Variants in CCDC146 observed in about 807,000 individuals in gnomAD.
The protein encoded by CCDC146 is coiled-coil domain containing 146, also known as coiled-coil domain-containing protein 146.
In CCDC146, 92 loss-of-function variants were observed where a neutral mutation model predicts 119.3. That is an observed-to-expected ratio of 0.77 (90% CI 0.65 to 0.92). The LOEUF (loss-of-function observed/expected upper bound fraction) is 0.92. Among genes scored for constraint, CCDC146 ranks in the 40% least tolerant of loss-of-function variants. The pLI, the probability that CCDC146 is intolerant of heterozygous loss-of-function variation, is 0.00. For synonymous variants in CCDC146, 372 were observed against 371.8 expected, an observed-to-expected ratio of 1.00 and a Z score of -0.01; for missense variants, 1,000 against 1,103.0, an observed-to-expected ratio of 0.91 and a Z score of 1.32.
chr7:77,232,938 C>T (rs907608145), intron 2 of CCDC146, among the ~76,000 whole-genome samples: 1 of 152,174 alleles, frequency 6.6e-6, no homozygotes, highest in Non-Finnish European at 1.5e-5. Context: ...GCCCATGGTT[C>T]AAATGCCACA....
chr7:77,280,197 G>C (rs191986384), intron 13 of CCDC146, among the ~76,000 whole-genome samples: 156 of 152,102 alleles, frequency 1.0e-3, no homozygotes, highest in East Asian at 1.7e-3. Flanking sequence ...CAGAACATTG[G>C]GGGGAAAAGG....
In CCDC146 at chr7:77,247,346, C is replaced by T. The variant is rs982013649; in HGVS notation, c.449+5446C>T. Among the ~76,000 whole-genome samples the T allele has an allele frequency of 9.2e-5, 9 of 97,756 alleles. No homozygotes were observed. The East Asian group carries it at 1.7e-3, about 19-fold the overall frequency. The allele number at this position is 97,756 out of a possible 152,430, so 64.1% of individuals were successfully genotyped here. A position where few individuals can be genotyped will look rare whatever the true frequency, so the allele number is the denominator to read the frequency against. On this transcript the variant is annotated intron_variant, in intron 4 of 18. Coordinates refer to ENST00000285871, the MANE Select transcript of CCDC146 (RefSeq NM_020879.3). ...AGAGCTTGCTGTCACCATTTTGAAA[C>T]TCAGAAATACTCAGGTTGCCTTTAC... is the stretch of plus-strand genomic sequence containing the variant.
chr7:77,262,339 A>G, intron 9 of CCDC146, 32 bp downstream of exon 9: 1 of 1,489,982 alleles, frequency 6.7e-7, no homozygotes, highest in Non-Finnish European at 9.0e-7. Flanking sequence ...CTGATTTTTA[A>G]GCTCGGTGCT....
In CCDC146 at chr7:77,172,360, A is replaced by C. The variant is rs988597666; in HGVS notation, c.156+4536A>C. Among the ~76,000 whole-genome samples the C allele has an allele frequency of 4.9e-4, 75 of 152,370 alleles. 1 individual carries two copies. The highest frequency in any genetic ancestry group is 3.6e-4 in the African/African-American group (15 of 41,582). The stretch of plus-strand genomic sequence containing the variant: ...TCTTCCTTCAGTTGTTTAAACAGAA[A>C]CTGTATCTGCAAAAATGGCAAAAGT... On this transcript the variant is annotated intron_variant, in intron 2 of 18. Coordinates refer to ENST00000285871, the MANE Select transcript of CCDC146 (RefSeq NM_020879.3).
chr7:77,209,506 G>A (rs140215435), intron 2 of CCDC146, among the ~76,000 whole-genome samples: 79 of 152,306 alleles, frequency 5.2e-4, no homozygotes, highest in Middle Eastern at 6.8e-3. Context: ...CCAGGTGCAC[G>A]GTGCAAGCTG....
intron 1 of CCDC146, among the ~76,000 whole-genome samples, chr7:77,159,020 A>G (rs1791218541): frequency 6.6e-6 from 1 of 152,136 alleles, no homozygotes; most frequent in Non-Finnish European, 1.5e-5. Flanking sequence ...TGTATAAAAT[A>G]CTGTACATAT....
In CCDC146 at chr7:77,278,938, CTGAG is replaced by C; in HGVS notation, c.1532_1535del (p.Leu511GlnfsTer28). The C allele has an allele frequency of 1.2e-6, 2 of 1,608,194 alleles. No homozygotes were observed. The highest frequency in any genetic ancestry group is 1.7e-6 in the Non-Finnish European group (2 of 1,178,300). ...AGTAAACACTTTGTATTTTTACAGA[CTGAG>C]AGAGTTTGCTAAACTGTATGACACC... On this transcript the variant is annotated frameshift_variant and splice_region_variant, in exon 13 of 19. Coordinates refer to ENST00000285871, the MANE Select transcript of CCDC146 (RefSeq NM_020879.3). LOFTEE classifies it high-confidence loss of function.
chr7:77,287,615 C>G (rs755926706), intron 17 of CCDC146, 38 bp downstream of exon 17: 1 of 1,598,912 alleles, frequency 6.3e-7, no homozygotes, highest in African/African-American at 1.3e-5. Flanking sequence ...TCTGCCCCTG[C>G]TCCTTTATTA....
chr7:77,132,947 C>T (rs28870421), intron 1 of CCDC146, among the ~76,000 whole-genome samples: 1 of 151,486 alleles, frequency 6.6e-6, no homozygotes. Context: ...CAAGGTGGGT[C>T]GATCACCTGA....
chr7:77,231,451 T>C (rs932238087), intron 2 of CCDC146, among the ~76,000 whole-genome samples: 1 of 152,106 alleles, frequency 6.6e-6, no homozygotes, highest in African/African-American at 2.4e-5. Context: ...CATAAATGGG[T>C]TTGGTACTAT....
intron 9 of CCDC146, 40 bp downstream of exon 9, chr7:77,262,347 G>A (rs767685536): frequency 6.9e-7 from 1 of 1,455,616 alleles, no homozygotes. Flanking sequence ...TAAGCTCGGT[G>A]CTAACTTTTG....
In CCDC146 at chr7:77,156,528, G is replaced by A. The variant is rs1055954071; in HGVS notation, c.-11-11130G>A. Among the ~76,000 whole-genome samples, 8 of 151,516 alleles carry A rather than the reference G, an allele frequency of 5.3e-5. No individual in the cohort carries two copies. In the South Asian group the frequency reaches 1.5e-3, roughly 28 times the overall value. ...ATTTTTACTTTCTTTTTTAAAAAAA[G>A]CATCTCCATAAATATATATACCTAC... On this transcript the variant is annotated intron_variant, in intron 1 of 18. Transcript: ENST00000285871.
intron 1 of CCDC146, among the ~76,000 whole-genome samples, chr7:77,131,884 A>T (rs993399796): frequency 6.6e-6 from 1 of 152,200 alleles, no homozygotes; most frequent in Non-Finnish European, 1.5e-5. Flanking sequence ...CAGGAGTTAC[A>T]TGTGGAGATA....
intron 1 of CCDC146, among the ~76,000 whole-genome samples, chr7:77,123,040 A>G (rs1032309059): frequency 7.0e-6 from 1 of 143,482 alleles, no homozygotes; most frequent in African/African-American, 2.6e-5. Flanking sequence ...CCTTGCCTCA[A>G]AGGGTTTTTG....
intron 1 of CCDC146, among the ~76,000 whole-genome samples, chr7:77,123,252 G>A (rs1790649607): frequency 7.1e-6 from 1 of 141,344 alleles, no homozygotes; most frequent in Non-Finnish European, 1.6e-5. Context: ...AAAAAAAAAA[G>A]ACACAAAAAA....
intron 9 of CCDC146, among the ~76,000 whole-genome samples, chr7:77,265,206 C>T (rs1191791863): frequency 1.3e-5 from 2 of 152,178 alleles, no homozygotes; most frequent in Non-Finnish European, 2.9e-5. Flanking sequence ...TTATAATGTC[C>T]ATTCAAAGTA....
intron 14 of CCDC146, among the ~76,000 whole-genome samples, chr7:77,281,670 A>G (rs1337012640): frequency 2.0e-5 from 3 of 152,252 alleles, no homozygotes; most frequent in African/African-American, 7.2e-5. Flanking sequence ...CAGACAAAAT[A>G]TAGAGCTGGG....
At chr7:77,123,874 T>C (rs997031646) in intron 1 of CCDC146, among the ~76,000 whole-genome samples, 7 of 152,248 alleles carry the variant, frequency 4.6e-5, no homozygotes, top group African/African-American at 1.7e-4. Flanking sequence ...TCACTCATTA[T>C]AGGTGCTAGC....
chr7:77,137,965 G>T (rs1197247756), intron 1 of CCDC146, among the ~76,000 whole-genome samples: 43 of 151,532 alleles, frequency 2.8e-4, no homozygotes, highest in African/African-American at 9.7e-4. Flanking sequence ...CTGAGGCTGG[G>T]CATTCTCAGA....
Sources: allele counts gnomAD v4.1 joint callset (sites outside exome capture counted in the v4.1 genomes callset), GRCh38; gene constraint gnomAD v4.1.1; transcripts MANE v1.5; gene names NCBI Gene and HGNC (gene_info 2026-07-23, HGNC 2026-07-21).